The following CYP19A1 variants were observed in gnomAD, a reference collection of about 807,000 sequenced individuals.
CYP19A1 encodes the protein aromatase.
CYP19A1 carries 32 observed loss-of-function variants against 44.4 expected under a neutral mutation model. That is an observed-to-expected ratio of 0.72 (90% CI 0.54 to 0.97). The LOEUF is 0.97. CYP19A1 is among the 50% of genes least tolerant of loss of function. The pLI, the probability that CYP19A1 is intolerant of heterozygous loss-of-function variation, is 0.00. For missense variants in CYP19A1, 598 were observed against 637.8 expected, an observed-to-expected ratio of 0.94 and a Z score of 0.67; for synonymous variants, 212 against 215.6, an observed-to-expected ratio of 0.98 and a Z score of 0.14.
rs79997359 is a variant in CYP19A1, at chr15:51,329,047, T to A, written c.-39+9448A>T. ...CCAACTTACCCTGCAGACTTTGGGA[T>A]TTGTCAGCCTACATAATTGCATGAG... On this transcript the variant is annotated intron_variant, in intron 1 of 9. Transcript: ENST00000396402. Among the ~76,000 whole-genome samples, 1,296 of 152,312 alleles carry A rather than the reference T, an allele frequency of 8.5e-3. 18 individuals carry two copies. The highest frequency in any genetic ancestry group is 0.029 in the African/African-American group (1,221 of 41,564).
At chr15:51,282,711 C>A (rs57553306) in intron 1 of CYP19A1, among the ~76,000 whole-genome samples, 1 of 152,142 alleles carries the variant, frequency 6.6e-6, no homozygotes, top group Admixed American at 6.5e-5. Context: ...CAACGTGGGG[C>A]GACAAAGGCC....
At chr15:51,214,685 C>T (rs561564230) in intron 8 of CYP19A1, among the ~76,000 whole-genome samples, 1 of 152,236 alleles carries the variant, frequency 6.6e-6, no homozygotes, top group South Asian at 2.1e-4. Flanking sequence ...TGGACAAATC[C>T]AACCATAAAT....
intron 1 of CYP19A1, among the ~76,000 whole-genome samples, chr15:51,244,107 C>A (rs1204006099): frequency 1.3e-5 from 2 of 152,222 alleles, no homozygotes; most frequent in Non-Finnish European, 2.9e-5. Context: ...AGATTCACAG[C>A]CAGGGCTTCT....
chr15:51,215,701 A>G lies in CYP19A1; in HGVS notation c.858+2T>C, dbSNP rs1269792619. On this transcript the variant is annotated splice_donor_variant, in intron 7 of 9. Coordinates refer to ENST00000396402, the MANE Select transcript of CYP19A1 (RefSeq NM_000103.4). LOFTEE classifies it high-confidence loss of function. The stretch of plus-strand genomic sequence containing the variant: ...GGAATTACAGTTAGTTCAGGTCAGT[A>G]CCTCTGCTAAAATCAACTCAGTGGC... 1 of 1,613,980 alleles carries G rather than the reference A, an allele frequency of 6.2e-7. No individual in the cohort carries two copies.
intron 1 of CYP19A1, among the ~76,000 whole-genome samples, chr15:51,328,553 T>C (rs1188174024): frequency 3.7e-5 from 4 of 107,786 alleles, no homozygotes; most frequent in Non-Finnish European, 5.4e-5. Context: ...CAGGGGTGTG[T>C]GTGTGTGTGT....
chr15:51,244,695 G>C (rs2033969969), intron 1 of CYP19A1, among the ~76,000 whole-genome samples: 1 of 152,146 alleles, frequency 6.6e-6, no homozygotes. Context: ...GCATAAATGA[G>C]GAAAGTGGTT....
At chr15:51,251,516 A>G (rs867859397) in intron 1 of CYP19A1, among the ~76,000 whole-genome samples, 20 of 152,274 alleles carry the variant, frequency 1.3e-4, no homozygotes, top group African/African-American at 4.3e-4. Flanking sequence ...TCGCTTTTCT[A>G]TCTAGCTCCC....
In CYP19A1 at chr15:51,240,524, A is replaced by C. The variant is rs74454985; in HGVS notation, c.145+2244T>G. On this transcript the variant is annotated intron_variant, in intron 2 of 9. Transcript: ENST00000396402. ...CTTCCCCTAAACCTCTAAAACCAAG[A>C]ACCTAGAGAGCCACTGATTAAAGGG... 2.7e-3 allele frequency among the ~76,000 whole-genome samples: 404 copies of C among 152,246 alleles called. 1 individual carries two copies. Among genetic ancestry groups the C allele is most frequent in the Non-Finnish European group, 4.4e-3 (296 of 68,008 alleles).
At chr15:51,260,314 C>T (rs2034666269) in intron 1 of CYP19A1, among the ~76,000 whole-genome samples, 1 of 152,160 alleles carries the variant, frequency 6.6e-6, no homozygotes, top group Non-Finnish European at 1.5e-5. Context: ...CAGGGGAAAG[C>T]ATTAAATATA....
chr15:51,325,247 A>G (rs1393050336), intron 1 of CYP19A1, among the ~76,000 whole-genome samples: 1 of 152,074 alleles, frequency 6.6e-6, no homozygotes, highest in Non-Finnish European at 1.5e-5. Context: ...TGAAGCCCTT[A>G]TAGTGGATCT....
intron 1 of CYP19A1, among the ~76,000 whole-genome samples, chr15:51,299,536 G>C (rs1267692122): frequency 3.3e-5 from 5 of 152,236 alleles, no homozygotes; most frequent in Admixed American, 2.0e-4. Context: ...TGGGCCATGT[G>C]ATCAGGGCTG....
At chr15:51,219,425 T>C (rs1417792750) in intron 5 of CYP19A1, among the ~76,000 whole-genome samples, 2 of 152,242 alleles carry the variant, frequency 1.3e-5, no homozygotes, top group Non-Finnish European at 2.9e-5. Context: ...GTCACCATGC[T>C]AGGCACTTTG....
At position 51,241,625 on chromosome 15, in the gene CYP19A1, G is replaced by A. The variant is rs191292242; in HGVS notation, c.145+1143C>T. Among the ~76,000 whole-genome samples, 87 of 152,118 alleles carry A rather than the reference G, an allele frequency of 5.7e-4. 1 individual carries two copies. The highest frequency in any genetic ancestry group is 1.0e-3 in the Non-Finnish European group (70 of 68,016). ...CCTTGGGAGAGGAGAAATCCAGTGA[G>A]GAAGGGCCACACTGGGGAACAGAGT... On this transcript the variant is annotated intron_variant, in intron 2 of 9. Coordinates refer to ENST00000396402, the MANE Select transcript of CYP19A1 (RefSeq NM_000103.4).
intron 8 of CYP19A1, among the ~76,000 whole-genome samples, chr15:51,213,582 C>T (rs2031250181): frequency 6.6e-6 from 1 of 152,088 alleles, no homozygotes; most frequent in African/African-American, 2.4e-5. Context: ...AAGGTGCTCA[C>T]TAGGAAGTAG....
At chr15:51,269,628 G>T (rs2035052190) in intron 1 of CYP19A1, among the ~76,000 whole-genome samples, 1 of 152,160 alleles carries the variant, frequency 6.6e-6, no homozygotes, top group Non-Finnish European at 1.5e-5. Context: ...CATGTTCACA[G>T]AAAGGCCATA....
chr15:51,227,152 T>C (rs1241213955), intron 4 of CYP19A1, among the ~76,000 whole-genome samples: 2 of 152,066 alleles, frequency 1.3e-5, no homozygotes, highest in Non-Finnish European at 2.9e-5. Context: ...AGAAAAGAAT[T>C]TGTGGTGATT....
At chr15:51,244,165 T>C (rs2033944669) in intron 1 of CYP19A1, among the ~76,000 whole-genome samples, 1 of 152,228 alleles carries the variant, frequency 6.6e-6, no homozygotes, top group Non-Finnish European at 1.5e-5. Context: ...CTGCATAAAA[T>C]ATTGTAATCG....
chr15:51,243,236 G>A (rs970418751), intron 1 of CYP19A1, among the ~76,000 whole-genome samples: 1 of 152,098 alleles, frequency 6.6e-6, no homozygotes, highest in Non-Finnish European at 1.5e-5. Flanking sequence ...GTAGAGTGAC[G>A]TGCATTCCCA....
In CYP19A1 at chr15:51,209,299, GA is replaced by G. The variant is rs1218011652; in HGVS notation, c.*1508del. The G allele has an allele frequency of 6.6e-6, 1 of 152,172 alleles. No individual in the cohort carries two copies. Among genetic ancestry groups the G allele is most frequent in the Non-Finnish European group, 1.5e-5 (1 of 68,022 alleles). 9.4% of individuals were successfully genotyped at this position (152,172 alleles called of 1,614,324 possible). ...AATGTCTATTCAGAACTGAGCTTGG[GA>G]GTGAATACAGGGAGACAGGACAGGG... On this transcript the variant is annotated 3_prime_UTR_variant, in exon 10 of 10. Transcript: ENST00000396402.
Sources: allele counts gnomAD v4.1 joint callset (sites outside exome capture counted in the v4.1 genomes callset), GRCh38; gene constraint gnomAD v4.1.1; transcripts MANE v1.5; gene names NCBI Gene and HGNC (gene_info 2026-07-23, HGNC 2026-07-21).